Variants in CNTNAP2 observed in about 807,000 individuals in gnomAD.
CNTNAP2 encodes contactin-associated protein-like 2.
CNTNAP2 carries 98 observed loss-of-function variants against 155.2 expected under a neutral mutation model. That is an observed-to-expected ratio of 0.63 (90% CI 0.54 to 0.75). The LOEUF (loss-of-function observed/expected upper bound fraction) is 0.75. CNTNAP2 is among the 30% of genes least tolerant of loss of function. The pLI, the probability that CNTNAP2 is intolerant of heterozygous loss-of-function variation, is 0.00. For synonymous variants in CNTNAP2, 651 were observed against 631.2 expected (o/e 1.03, Z -0.47); for missense variants, 1,727 against 1,688.1 (o/e 1.02, Z -0.40).
intron 17 of CNTNAP2, among the ~76,000 whole-genome samples, chr7:148,154,620 A>G (rs1352974422): frequency 1.3e-5 from 2 of 152,220 alleles, no homozygotes; most frequent in African/African-American, 4.8e-5. Context: ...TGTTTCTCAT[A>G]TCTAAGAAAT....
rs553506986 is a variant in CNTNAP2, at chr7:146,305,506, C to T, written c.97+188533C>T. Among the ~76,000 whole-genome samples, 7 of 152,142 alleles carry T rather than the reference C, an allele frequency of 4.6e-5. No individual in the cohort carries two copies. In the South Asian group the frequency reaches 6.2e-4, roughly 14 times the overall value. ...TAGCTTTCCTTCTAACATTCAGGAC[C>T]CTCAGCTGCAGGTCTGTTGGAGTTT... is the stretch of plus-strand genomic sequence containing the variant. On this transcript the variant is annotated intron_variant, in intron 1 of 23. Coordinates refer to ENST00000361727, the MANE Select transcript of CNTNAP2 (RefSeq NM_014141.6).
At chr7:148,359,672 T>C (rs1314536002) in intron 21 of CNTNAP2, among the ~76,000 whole-genome samples, 1 of 152,370 alleles carries the variant, frequency 6.6e-6, no homozygotes, top group East Asian at 1.9e-4. Context: ...TTTCAACTTA[T>C]TAAACTTTCA....
chr7:147,245,272 A>T (rs1057434650), intron 8 of CNTNAP2, among the ~76,000 whole-genome samples: 3 of 152,028 alleles, frequency 2.0e-5, no homozygotes, highest in Non-Finnish European at 4.4e-5. Flanking sequence ...ATAAAAAATT[A>T]AAAATAAAAA....
chr7:147,304,448 G>A (rs879764591), intron 9 of CNTNAP2, among the ~76,000 whole-genome samples: 1 of 152,142 alleles, frequency 6.6e-6, no homozygotes, highest in African/African-American at 2.4e-5. Flanking sequence ...ATGGCTATGA[G>A]ACAGCAGTAT....
At chr7:146,391,036 C>T (rs1795535746) in intron 1 of CNTNAP2, among the ~76,000 whole-genome samples, 1 of 145,844 alleles carries the variant, frequency 6.9e-6, no homozygotes, top group Admixed American at 7.0e-5. Context: ...CACTGCACTC[C>T]AGCCTGGCAA....
intron 13 of CNTNAP2, among the ~76,000 whole-genome samples, chr7:147,840,389 C>G (rs1798709183): frequency 6.6e-6 from 1 of 152,158 alleles, no homozygotes; most frequent in Admixed American, 6.5e-5. Context: ...GCACCTTCTT[C>G]CCAGTTAAGA....
chr7:147,590,778 G>C (rs1800721266), intron 12 of CNTNAP2, among the ~76,000 whole-genome samples: 1 of 152,286 alleles, frequency 6.6e-6, no homozygotes, highest in South Asian at 2.1e-4. Flanking sequence ...GATGCTGGTG[G>C]TAGGAGGTAA....
At chr7:148,252,451 G>A (rs1455006338) in intron 20 of CNTNAP2, among the ~76,000 whole-genome samples, 1 of 152,068 alleles carries the variant, frequency 6.6e-6, no homozygotes, top group Non-Finnish European at 1.5e-5. Context: ...CTGCTTCCAG[G>A]TGCTTTCTTC....
chr7:146,399,033 A>G (rs1795675396), intron 1 of CNTNAP2, among the ~76,000 whole-genome samples: 1 of 152,006 alleles, frequency 6.6e-6, no homozygotes, highest in African/African-American at 2.4e-5. Flanking sequence ...TTTTTATAAC[A>G]GAATACATTT....
At chr7:147,267,186 C>T (rs938110133) in intron 8 of CNTNAP2, among the ~76,000 whole-genome samples, 5 of 152,146 alleles carry the variant, frequency 3.3e-5, no homozygotes, top group Admixed American at 6.5e-5. Flanking sequence ...AAATTAAATG[C>T]TTTTGGTATT....
At chr7:146,560,287 T>G (rs1045144265) in intron 1 of CNTNAP2, among the ~76,000 whole-genome samples, 4 of 152,102 alleles carry the variant, frequency 2.6e-5, no homozygotes, top group African/African-American at 9.7e-5. Flanking sequence ...CAAATAAAAT[T>G]ATATAAATTA....
chr7:148,178,461 A>G (rs1794983510), intron 18 of CNTNAP2, among the ~76,000 whole-genome samples: 1 of 152,192 alleles, frequency 6.6e-6, no homozygotes, highest in South Asian at 2.1e-4. Context: ...CACACAAATA[A>G]TGTGCCACCC....
chr7:147,017,736 G>T (rs1361828124), intron 3 of CNTNAP2, among the ~76,000 whole-genome samples: 1 of 151,848 alleles, frequency 6.6e-6, no homozygotes, highest in Admixed American at 6.6e-5. Context: ...AATGATTCTT[G>T]TACAAATATA....
rs183196258 is a variant in CNTNAP2, at chr7:148,155,985, C to T, written c.2773+8276C>T. On this transcript the variant is annotated intron_variant, in intron 17 of 23. Coordinates refer to ENST00000361727, the MANE Select transcript of CNTNAP2 (RefSeq NM_014141.6). The stretch of plus-strand genomic sequence containing the variant: ...CAGGCCCCACGTGCAATACCGGCCC[C>T]TTGTGGAGCACTCTCCCAGTTATGG... Among the ~76,000 whole-genome samples the T allele has an allele frequency of 3.3e-5, 5 of 152,294 alleles. No individual in the cohort carries two copies. The East Asian group carries it at 9.7e-4, about 30-fold the overall frequency.
intron 16 of CNTNAP2, among the ~76,000 whole-genome samples, chr7:148,121,810 A>G (rs117649760): frequency 1.3e-5 from 2 of 152,182 alleles, no homozygotes; most frequent in East Asian, 3.9e-4. Context: ...AATCTCACTC[A>G]TTAGCATGCT....
chr7:147,969,825 C>A (rs1206310480), intron 14 of CNTNAP2, among the ~76,000 whole-genome samples: 4 of 152,002 alleles, frequency 2.6e-5, no homozygotes, highest in Non-Finnish European at 4.4e-5. Context: ...TTGGTATTAA[C>A]CATGAAGTAG....
chr7:147,326,649 G>A (rs1158712053), intron 9 of CNTNAP2, among the ~76,000 whole-genome samples: 2 of 152,210 alleles, frequency 1.3e-5, no homozygotes, highest in Non-Finnish European at 2.9e-5. Context: ...CCCACTAGCA[G>A]TGTACAAAGG....
chr7:147,353,776 G>C (rs192596693), intron 9 of CNTNAP2, among the ~76,000 whole-genome samples: 20 of 152,164 alleles, frequency 1.3e-4, no homozygotes, highest in African/African-American at 4.8e-4. Context: ...CTGTAAAAGC[G>C]TTTATATTTC....
At chr7:148,070,221 C>T (rs955445768) in intron 15 of CNTNAP2, among the ~76,000 whole-genome samples, 3 of 152,024 alleles carry the variant, frequency 2.0e-5, no homozygotes, top group African/African-American at 4.8e-5. Context: ...ACAACAAATA[C>T]AAGGAAAAAT....
Sources: gnomAD v4.1 joint callset for allele counts (sites outside exome capture counted in the v4.1 genomes callset) on GRCh38, gnomAD v4.1.1 for gene constraint, MANE v1.5 for transcripts, NCBI Gene and HGNC (gene_info 2026-07-23, HGNC 2026-07-21) for gene names.